The following MSRA variants were observed in gnomAD, a reference collection of about 807,000 sequenced individuals.
The protein encoded by MSRA is mitochondrial peptide methionine sulfoxide reductase.
A neutral mutation model predicts 31.3 loss-of-function variants in MSRA; 54 were observed. The ratio of observed to expected loss-of-function variants is 1.73; its 90% CI spans 1.39 to 2.17. The LOEUF (loss-of-function observed/expected upper bound fraction) is 2.17, where lower values mean the gene tolerates loss of function less well. MSRA is among the 30% of genes most tolerant of loss of function. MSRA has a pLI of 0.00. For synonymous variants in MSRA, 169 were observed against 116.5 expected (o/e 1.45, Z -2.90); for missense variants, 507 against 300.9 (o/e 1.69, Z -5.07).
intron 2 of MSRA, among the ~76,000 whole-genome samples, chr8:10,214,536 TG>T: frequency 6.7e-6 from 1 of 149,966 alleles, no homozygotes; most frequent in Non-Finnish European, 1.5e-5. Flanking sequence ...CGAGTCCCGG[TG>T]TGGCGTATTT....
chr8:10,247,558 C>T (rs4841294), intron 3 of MSRA, among the ~76,000 whole-genome samples: 1 of 152,012 alleles, frequency 6.6e-6, no homozygotes, highest in Non-Finnish European at 1.5e-5. Context: ...CAAGCCAGTT[C>T]ATGCAAACAG....
intron 5 of MSRA, among the ~76,000 whole-genome samples, chr8:10,364,694 C>G (rs188802327): frequency 1.8e-4 from 27 of 152,212 alleles, no homozygotes; most frequent in Non-Finnish European, 3.5e-4. Flanking sequence ...TTGAACAGAC[C>G]TTAACTGCTG....
chr8:10,407,807 A>G (rs866642756), intron 5 of MSRA, among the ~76,000 whole-genome samples: 6 of 152,278 alleles, frequency 3.9e-5, no homozygotes, highest in Middle Eastern at 3.4e-3. Flanking sequence ...ATTTTAATCA[A>G]AATTCTTGCT....
At chr8:10,412,143 G>T (rs1049507053) in intron 5 of MSRA, among the ~76,000 whole-genome samples, 1 of 152,374 alleles carries the variant, frequency 6.6e-6, no homozygotes, top group East Asian at 1.9e-4. Flanking sequence ...ATTGATGAAT[G>T]ATAGTGAATA....
At chr8:10,232,555 T>C (rs1209733500) in intron 2 of MSRA, among the ~76,000 whole-genome samples, 3 of 152,204 alleles carry the variant, frequency 2.0e-5, no homozygotes, top group African/African-American at 7.2e-5. Flanking sequence ...ACAATCACAA[T>C]CACAGATCTT....
intron 1 of MSRA, among the ~76,000 whole-genome samples, chr8:10,082,426 C>G (rs545829587): frequency 2.6e-5 from 4 of 152,252 alleles, no homozygotes; most frequent in African/African-American, 9.6e-5. Flanking sequence ...GCGAAGCTGT[C>G]CACCTTCCTT....
chr8:10,276,274 T>C (rs1191595079), intron 3 of MSRA, among the ~76,000 whole-genome samples: 1 of 152,224 alleles, frequency 6.6e-6, no homozygotes, highest in African/African-American at 2.4e-5. Context: ...TCGCAGTAAG[T>C]GCACGCCACC....
chr8:10,341,155 G>A (rs1240713942), intron 5 of MSRA, among the ~76,000 whole-genome samples: 1 of 152,154 alleles, frequency 6.6e-6, no homozygotes, highest in Non-Finnish European at 1.5e-5. Flanking sequence ...GGCAGTTCTC[G>A]CGTTGCCATA....
rs530031057 is a variant in MSRA at position 10,297,085 on chromosome 8, G to A, written c.332-4449G>A. ...GTAAACATTGGTTGACTTATCTCGGGGTTCTCTTTAAAGGCACCTAGTTCC... is the reference window on the plus strand; with the variant it reads ...GTAAACATTGGTTGACTTATCTCGGAGTTCTCTTTAAAGGCACCTAGTTCC... On this transcript the variant is annotated intron_variant, in intron 3 of 5. Coordinates refer to ENST00000317173, the MANE Select transcript of MSRA (RefSeq NM_012331.5). Among the ~76,000 whole-genome samples the A allele has an allele frequency of 2.0e-5, 3 of 152,044 alleles. No individual in the cohort carries two copies. The South Asian group carries it at 6.2e-4, about 32-fold the overall frequency.
chr8:10,118,818 A>C (rs775603415), intron 1 of MSRA, among the ~76,000 whole-genome samples: 3 of 152,158 alleles, frequency 2.0e-5, no homozygotes, highest in Non-Finnish European at 4.4e-5. Flanking sequence ...TTCCCACCCA[A>C]GGCAGAATTT....
At chr8:10,157,315 C>T (rs1334104866) in intron 1 of MSRA, among the ~76,000 whole-genome samples, 1 of 152,160 alleles carries the variant, frequency 6.6e-6, no homozygotes, top group Non-Finnish European at 1.5e-5. Context: ...TTCAGGAACC[C>T]TGGCTTCTGC....
At chr8:10,424,033 C>A (rs1182113929) in intron 5 of MSRA, among the ~76,000 whole-genome samples, 1 of 152,212 alleles carries the variant, frequency 6.6e-6, no homozygotes, top group East Asian at 1.9e-4. Context: ...TGTAATGCAG[C>A]GTCATCAGCG....
At chr8:10,267,824 G>GC (rs1012828277) in intron 3 of MSRA, among the ~76,000 whole-genome samples, 1 of 152,130 alleles carries the variant, frequency 6.6e-6, no homozygotes, top group Non-Finnish European at 1.5e-5. Context: ...TACATAATGG[G>GC]CCAAAGGTCA....
In MSRA at chr8:10,360,524, A is replaced by G. The variant is rs915476705; in HGVS notation, c.543+40535A>G. Among the ~76,000 whole-genome samples the G allele has an allele frequency of 3.2e-4, 49 of 152,120 alleles. 1 individual carries two copies. Among genetic ancestry groups the G allele is most frequent in the African/African-American group, 1.1e-3 (45 of 41,428 alleles). ...CTCATTGTAGCTGCCATCATCCCAG[A>G]GCCCCCCAGCAAGATTTTAAGCTGA... On this transcript the variant is annotated intron_variant, in intron 5 of 5. Coordinates refer to ENST00000317173, the MANE Select transcript of MSRA (RefSeq NM_012331.5).
intron 1 of MSRA, among the ~76,000 whole-genome samples, chr8:10,078,780 A>G (rs941999692): frequency 6.6e-6 from 1 of 152,246 alleles, no homozygotes; most frequent in Non-Finnish European, 1.5e-5. Flanking sequence ...AAAAACAACC[A>G]GTCTATCTCC....
intron 2 of MSRA, among the ~76,000 whole-genome samples, chr8:10,227,650 G>A (rs999396349): frequency 6.6e-6 from 1 of 152,182 alleles, no homozygotes; most frequent in Non-Finnish European, 1.5e-5. Context: ...AGGTACAGTG[G>A]AGTGTACACG....
rs571980361 is a variant in MSRA, at chr8:10,237,415, C to G, written c.212-7689C>G. 2.0e-5 allele frequency among the ~76,000 whole-genome samples: 3 copies of G among 152,280 alleles called. No homozygotes were observed. In the South Asian group the frequency reaches 6.2e-4, roughly 32 times the overall value. On this transcript the variant is annotated intron_variant, in intron 2 of 5. Transcript: ENST00000317173. ...CAATTATATATGTTGACTAAATTTA[C>G]AAATAAACTTGTGTGTCCAAACCAA...
At chr8:10,305,769 G>A (rs1357471457) in intron 4 of MSRA, among the ~76,000 whole-genome samples, 2 of 152,158 alleles carry the variant, frequency 1.3e-5, no homozygotes, top group African/African-American at 4.8e-5. Flanking sequence ...ATTGGAAGGT[G>A]TAGGCTTTTT....
At chr8:10,163,914 TA>T (rs1472335142) in intron 1 of MSRA, among the ~76,000 whole-genome samples, 1 of 152,216 alleles carries the variant, frequency 6.6e-6, no homozygotes, top group East Asian at 1.9e-4. Flanking sequence ...CTGAACATGC[TA>T]CGTGTCATCT....
Sources: allele counts gnomAD v4.1 joint callset (sites outside exome capture counted in the v4.1 genomes callset), GRCh38; gene constraint gnomAD v4.1.1; transcripts MANE v1.5; gene names NCBI Gene and HGNC (gene_info 2026-07-23, HGNC 2026-07-21).